Variants in LHFPL3 observed in about 807,000 individuals in gnomAD.
The protein encoded by LHFPL3 is LHFPL tetraspan subfamily member 3 protein.
LHFPL3 carries 5 observed loss-of-function variants against 19.3 expected under a neutral mutation model. The observed-to-expected ratio is 0.26, with a 90% CI of 0.14 to 0.54. LHFPL3 has a LOEUF of 0.54. Among genes scored for constraint, LHFPL3 ranks in the 20% least tolerant of loss-of-function variants. The probability of loss-of-function intolerance (pLI) is 0.94; values close to 1 mark genes in which losing one functional copy is unlikely to be tolerated. For missense variants in LHFPL3, 249 were observed against 307.4 expected (o/e 0.81, Z 1.42); for synonymous variants, 133 against 126.2 (o/e 1.05, Z -0.36).
chr7:104,822,228 C>T (rs974624049), intron 2 of LHFPL3, among the ~76,000 whole-genome samples: 1 of 152,164 alleles, frequency 6.6e-6, no homozygotes, highest in Non-Finnish European at 1.5e-5. Context: ...AGGTGGAAAA[C>T]ATTGAGTTGT....
chr7:104,823,318 C>T (rs1330155833), intron 2 of LHFPL3, among the ~76,000 whole-genome samples: 1 of 152,162 alleles, frequency 6.6e-6, no homozygotes, highest in African/African-American at 2.4e-5. Context: ...AGCTATGTGA[C>T]CCATGACAGC....
At chr7:104,649,899 G>T (rs1480894784) in intron 1 of LHFPL3, among the ~76,000 whole-genome samples, 4 of 152,174 alleles carry the variant, frequency 2.6e-5, no homozygotes, top group Non-Finnish European at 4.4e-5. Flanking sequence ...AGCATCTGGG[G>T]CTTGTTAGAA....
chr7:104,659,581 C>A (rs1222816146), intron 1 of LHFPL3, among the ~76,000 whole-genome samples: 2 of 152,104 alleles, frequency 1.3e-5, no homozygotes, highest in Non-Finnish European at 2.9e-5. Flanking sequence ...GAATTCTTAG[C>A]AGGATTAGGG....
chr7:104,522,932 A>G (rs548640147), intron 1 of LHFPL3, among the ~76,000 whole-genome samples: 15 of 152,172 alleles, frequency 9.9e-5, no homozygotes, highest in African/African-American at 3.1e-4. Flanking sequence ...TTGTGGAAGT[A>G]ACAGGGTCAT....
chr7:104,710,646 C>T (rs999606546), intron 1 of LHFPL3, among the ~76,000 whole-genome samples: 3 of 152,114 alleles, frequency 2.0e-5, no homozygotes, highest in African/African-American at 7.2e-5. Flanking sequence ...TCTATTTTTG[C>T]TTCATTTTCT....
At chr7:104,818,895 T>C (rs1790620569) in intron 2 of LHFPL3, among the ~76,000 whole-genome samples, 1 of 152,184 alleles carries the variant, frequency 6.6e-6, no homozygotes, top group Non-Finnish European at 1.5e-5. Context: ...GGTTTCCTCC[T>C]CTTTTTTAAT....
At chr7:104,383,596 T>A (rs1251693625) in intron 1 of LHFPL3, among the ~76,000 whole-genome samples, 1 of 152,210 alleles carries the variant, frequency 6.6e-6, no homozygotes, top group Non-Finnish European at 1.5e-5. Context: ...TCTTTTCTCC[T>A]AAGGAGCAAC....
At chr7:104,832,608 C>T (rs542863641) in intron 2 of LHFPL3, among the ~76,000 whole-genome samples, 1 of 136,822 alleles carries the variant, frequency 7.3e-6, no homozygotes, top group South Asian at 2.4e-4. Flanking sequence ...ATCTCTCTGA[C>T]ATTTCTTTTT....
At chr7:104,850,849 T>C (rs1232108494) in intron 2 of LHFPL3, among the ~76,000 whole-genome samples, 1 of 150,820 alleles carries the variant, frequency 6.6e-6, no homozygotes, top group Non-Finnish European at 1.5e-5. Context: ...TGACTATAGA[T>C]AGAAGAGTAA....
intron 1 of LHFPL3, among the ~76,000 whole-genome samples, chr7:104,637,597 A>G (rs934921707): frequency 1.3e-5 from 2 of 152,128 alleles, no homozygotes; most frequent in African/African-American, 2.4e-5. Flanking sequence ...TCCTCTGCAT[A>G]TGACTAGCCA....
chr7:104,440,041 G>GGGGC (rs1554394376), intron 1 of LHFPL3, among the ~76,000 whole-genome samples: 14 of 146,626 alleles, frequency 9.5e-5, no homozygotes, highest in South Asian at 4.7e-4. Flanking sequence ...AGCCTGGGGG[G>GGGGC]GGGGAGGGAT....
Position 104,399,715 on chromosome 7 carries a change from G to A in LHFPL3, c.445+70491G>A, listed in dbSNP as rs1265705502. On this transcript the variant is annotated intron_variant, in intron 1 of 2. Coordinates refer to ENST00000424859, the MANE Select transcript of LHFPL3 (RefSeq NM_199000.3). This position sits in a 1 kb window ranked among gnomAD's most constrained non-coding sequence, Gnocchi z 4.4. ...TCTTGAACTCCCAACCTCGTGCTCC[G>A]CCCACCTCGGCCTCCCAAAGTGCTG... is the stretch of plus-strand genomic sequence containing the variant. 2.1e-5 allele frequency among the ~76,000 whole-genome samples: 3 copies of A among 146,294 alleles called. No individual in the cohort carries two copies. Among genetic ancestry groups the A allele is most frequent in the Admixed American group, 7.1e-5 (1 of 14,148 alleles).
At chr7:104,608,892 C>T (rs949322683) in intron 1 of LHFPL3, among the ~76,000 whole-genome samples, 3 of 152,122 alleles carry the variant, frequency 2.0e-5, no homozygotes, top group Non-Finnish European at 4.4e-5. Flanking sequence ...GAATGATGTG[C>T]ATATAATGAG....
At chr7:104,724,024 T>C (rs2116256325) in intron 1 of LHFPL3, among the ~76,000 whole-genome samples, 1 of 152,308 alleles carries the variant, frequency 6.6e-6, no homozygotes, top group East Asian at 1.9e-4. Context: ...GAATCAGAAA[T>C]AACTAATTAT....
At chr7:104,687,409 TA>T (rs750040036) in intron 1 of LHFPL3, among the ~76,000 whole-genome samples, 1 of 152,198 alleles carries the variant, frequency 6.6e-6, no homozygotes, top group Non-Finnish European at 1.5e-5. Context: ...ATGAATTGAT[TA>T]AATCATTAGC....
chr7:104,605,220 G>T (rs1791070653), intron 1 of LHFPL3, among the ~76,000 whole-genome samples: 1 of 151,926 alleles, frequency 6.6e-6, no homozygotes, highest in South Asian at 2.1e-4. Flanking sequence ...ATCAAATAAT[G>T]GATTTTACTT....
At chr7:104,449,190 A>T (rs1792384928) in intron 1 of LHFPL3, among the ~76,000 whole-genome samples, 1 of 152,250 alleles carries the variant, frequency 6.6e-6, no homozygotes, top group Non-Finnish European at 1.5e-5. Context: ...GTAGTGATGC[A>T]TCACACAAGG....
chr7:104,601,281 C>T (rs1420531562), intron 1 of LHFPL3, among the ~76,000 whole-genome samples: 3 of 152,100 alleles, frequency 2.0e-5, no homozygotes, highest in East Asian at 1.9e-4. Flanking sequence ...TTCCCCTCTC[C>T]CATTAGTGAC....
chr7:104,717,127 T>A (rs1209533712), intron 1 of LHFPL3, among the ~76,000 whole-genome samples: 1 of 152,084 alleles, frequency 6.6e-6, no homozygotes, highest in Non-Finnish European at 1.5e-5. Context: ...AATTGGAATC[T>A]TATCTTACAC....
Sources: gnomAD v4.1 joint callset for allele counts (sites outside exome capture counted in the v4.1 genomes callset) on GRCh38, gnomAD v4.1.1 for gene constraint, Gnocchi (gnomAD v3.1) non-coding constraint, MANE v1.5 for transcripts, NCBI Gene and HGNC (gene_info 2026-07-23, HGNC 2026-07-21) for gene names.